The following PTPRK variants were observed in gnomAD, a reference collection of about 807,000 sequenced individuals.
PTPRK encodes protein tyrosine phosphatase receptor type K.
Under a neutral mutation model 178.0 loss-of-function variants are expected in PTPRK, and 75 were observed. The observed-to-expected ratio is 0.42, with a 90% CI of 0.35 to 0.51. PTPRK has a LOEUF of 0.51. PTPRK is among the 20% of genes least tolerant of loss of function. The pLI is 0.02. For synonymous variants in PTPRK, 637 were observed against 620.6 expected (o/e 1.03, Z -0.39); for missense variants, 1,441 against 1,797.8 (o/e 0.80, Z 3.59).
chr6:128,002,178 A>C (rs1031353907), intron 15 of PTPRK, among the ~76,000 whole-genome samples: 6 of 151,640 alleles, frequency 4.0e-5, no homozygotes, highest in African/African-American at 1.4e-4. Context: ...GGTATATTTT[A>C]CATAACTGAG....
intron 12 of PTPRK, among the ~76,000 whole-genome samples, chr6:128,066,700 C>CAATA (rs138949244): frequency 0.035 from 5,179 of 149,494 alleles, 86 homozygotes; most frequent in African/African-American, 0.044. Flanking sequence ...CTCTGTCTGC[C>CAATA]AATAAATAAA....
intron 1 of PTPRK, among the ~76,000 whole-genome samples, chr6:128,516,477 G>A (rs543270950): frequency 4.6e-4 from 70 of 151,632 alleles, no homozygotes; most frequent in African/African-American, 1.7e-3. Context: ...TTGAGGGATC[G>A]AGGGATATTT....
intron 1 of PTPRK, among the ~76,000 whole-genome samples, chr6:128,401,711 G>A (rs12206307): frequency 0.027 from 4,081 of 152,120 alleles, 70 homozygotes; most frequent in Middle Eastern, 0.058. Context: ...ATCTTTCATG[G>A]TTCTTTACTG....
chr6:128,325,217 T>A (rs1446065859), intron 2 of PTPRK, among the ~76,000 whole-genome samples: 3 of 152,134 alleles, frequency 2.0e-5, no homozygotes, highest in Non-Finnish European at 2.9e-5. Flanking sequence ...TTTTTGTTTG[T>A]TTTAAGTGCA....
At chr6:128,259,562 T>C (rs1009084715) in intron 3 of PTPRK, among the ~76,000 whole-genome samples, 15 of 151,790 alleles carry the variant, frequency 9.9e-5, no homozygotes, top group African/African-American at 3.6e-4. Flanking sequence ...AAGCAGAAGG[T>C]GAGATTATGG....
At chr6:128,321,277 A>G (rs1010349536) in intron 3 of PTPRK, 3 of 153,120 alleles carry the variant, frequency 2.0e-5, no homozygotes, top group African/African-American at 7.2e-5. Context: ...TTGACCTTTT[A>G]AAGAAATAAC....
At chr6:128,096,970 G>A (rs537388188) in intron 7 of PTPRK, among the ~76,000 whole-genome samples, 2 of 152,148 alleles carry the variant, frequency 1.3e-5, no homozygotes, top group Non-Finnish European at 2.9e-5. Context: ...TAGGTGCTTT[G>A]TAATTTTTAT....
At chr6:128,183,061 T>C (rs186129651) in intron 7 of PTPRK, among the ~76,000 whole-genome samples, 175 of 152,318 alleles carry the variant, frequency 1.1e-3, no homozygotes, top group African/African-American at 4.0e-3. Context: ...AGTGTAATTT[T>C]ATTAGAAAAC....
intron 7 of PTPRK, among the ~76,000 whole-genome samples, chr6:128,095,912 T>C (rs1014851901): frequency 2.6e-5 from 4 of 152,214 alleles, no homozygotes; most frequent in African/African-American, 7.2e-5. Context: ...AAAATACATA[T>C]ATTCAATAGG....
chr6:128,472,704 C>A, intron 1 of PTPRK: 1 of 355,354 alleles, frequency 2.8e-6, no homozygotes, highest in African/African-American at 2.2e-5. Flanking sequence ...ATATATATTT[C>A]CAACTGTAAC....
intron 2 of PTPRK, among the ~76,000 whole-genome samples, chr6:128,364,277 C>A (rs983256656): frequency 6.6e-6 from 1 of 151,930 alleles, no homozygotes; most frequent in Admixed American, 6.6e-5. Context: ...CTTATACATT[C>A]TCAACTTTAA....
chr6:127,986,587 A>G (rs944691453), intron 21 of PTPRK, among the ~76,000 whole-genome samples: 3 of 152,148 alleles, frequency 2.0e-5, no homozygotes, highest in Non-Finnish European at 4.4e-5. Context: ...TCCTTTTTTT[A>G]GAAGAAGTCT....
chr6:128,358,847 G>A (rs1460982526), intron 2 of PTPRK, among the ~76,000 whole-genome samples: 1 of 152,208 alleles, frequency 6.6e-6, no homozygotes, highest in African/African-American at 2.4e-5. Context: ...GCAGGCAGCA[G>A]CTGGAAAGCA....
At position 127,996,897 on chromosome 6, in the gene PTPRK, T is replaced by C; in HGVS notation, c.2767+4A>G. The C allele has an allele frequency of 6.2e-7, 1 of 1,608,448 alleles. No individual in the cohort carries two copies. Among genetic ancestry groups the C allele is most frequent in the East Asian group, 2.2e-5 (1 of 44,706 alleles). On this transcript the variant is annotated splice_donor_region_variant and intron_variant, in intron 17 of 29. Coordinates refer to ENST00000368226, the MANE Select transcript of PTPRK (RefSeq NM_002844.4). The stretch of plus-strand genomic sequence containing the variant: ...CATTCACCAAGAATTGAATGGGAAC[T>C]TACATGCTATAATGTTTCCATATCG...
intron 2 of PTPRK, among the ~76,000 whole-genome samples, chr6:128,325,463 TAAAC>T (rs1227702701): frequency 5.9e-5 from 9 of 151,876 alleles, no homozygotes; most frequent in Non-Finnish European, 1.2e-4. Flanking sequence ...ACAAGGAATT[TAAAC>T]AAATTTACAA....
chr6:128,184,425 G>C lies in PTPRK; in HGVS notation c.1162+7C>G. 6.2e-7 allele frequency: 1 copy of C among 1,612,666 alleles called. No individual in the cohort carries two copies. The highest frequency in any genetic ancestry group is 8.5e-7 in the Non-Finnish European group (1 of 1,179,248). ...CAAGGTAGAAAAGGTCTGCTACTCA[G>C]TCTTACCTGCACATTTTGTTCTGGT... is the stretch of plus-strand genomic sequence containing the variant. On this transcript the variant is annotated splice_region_variant and intron_variant, in intron 7 of 29. Coordinates refer to ENST00000368226, the MANE Select transcript of PTPRK (RefSeq NM_002844.4).
At chr6:128,353,477 AAC>A (rs1833473135) in intron 2 of PTPRK, among the ~76,000 whole-genome samples, 5 of 152,246 alleles carry the variant, frequency 3.3e-5, no homozygotes, top group Admixed American at 3.3e-4. Context: ...TCAATGAGAA[AAC>A]AGTTAAATAA....
chr6:128,301,292 A>C (rs968868768), intron 3 of PTPRK, among the ~76,000 whole-genome samples: 6 of 152,148 alleles, frequency 3.9e-5, no homozygotes, highest in African/African-American at 1.4e-4. Context: ...CTCATACATT[A>C]TTTTAAATCT....
chr6:128,038,794 G>A (rs1267453631), intron 13 of PTPRK, among the ~76,000 whole-genome samples: 2 of 152,046 alleles, frequency 1.3e-5, no homozygotes, highest in African/African-American at 2.4e-5. Context: ...AGTTAACTGC[G>A]TTTGTCTCTT....
Sources: gnomAD v4.1 joint callset for allele counts (sites outside exome capture counted in the v4.1 genomes callset) on GRCh38, gnomAD v4.1.1 for gene constraint, MANE v1.5 for transcripts, NCBI Gene and HGNC (gene_info 2026-07-23, HGNC 2026-07-21) for gene names.